NFAT5: variants seen among roughly 807,000 people sequenced by gnomAD.
NFAT5 encodes nuclear factor of activated T cells 5.
A neutral mutation model predicts 166.5 loss-of-function variants in NFAT5; 31 were observed. The observed-to-expected ratio is 0.19, with a 90% confidence interval of 0.14 to 0.25. The LOEUF (loss-of-function observed/expected upper bound fraction) is 0.25. Among genes scored for constraint, NFAT5 ranks in the 10% least tolerant of loss-of-function variants. The pLI is 1.00. For synonymous variants in NFAT5, 612 were observed against 639.7 expected, an observed-to-expected ratio of 0.96 and a Z score of 0.65; for missense variants, 1,449 against 1,821.8, an observed-to-expected ratio of 0.80 and a Z score of 3.72.
chr16:69,654,907 T>C (rs2035817646), intron 5 of NFAT5, among the ~76,000 whole-genome samples: 1 of 152,240 alleles, frequency 6.6e-6, no homozygotes, highest in South Asian at 2.1e-4. Flanking sequence ...CTTCAATGTT[T>C]AACTATAAGC....
chr16:69,663,911 A>G (rs776977224), intron 7 of NFAT5, among the ~76,000 whole-genome samples: 83 of 152,280 alleles, frequency 5.5e-4, no homozygotes, highest in Non-Finnish European at 8.4e-4. Context: ...AAAAATTTTC[A>G]TATCTACCCT....
intron 3 of NFAT5, among the ~76,000 whole-genome samples, chr16:69,639,078 A>G (rs1321525945): frequency 6.6e-6 from 1 of 152,236 alleles, no homozygotes; most frequent in Non-Finnish European, 1.5e-5. Context: ...TCTGGATATT[A>G]GTCTCTTCAT....
chr16:69,643,172 C>G (rs555829270), intron 3 of NFAT5, among the ~76,000 whole-genome samples: 1 of 149,074 alleles, frequency 6.7e-6, no homozygotes, highest in African/African-American at 2.5e-5. Context: ...GAGCCGAGAT[C>G]GCGCCACTGC....
intron 2 of NFAT5, among the ~76,000 whole-genome samples, chr16:69,605,026 T>C (rs773218470): frequency 5.9e-5 from 9 of 152,208 alleles, no homozygotes; most frequent in Admixed American, 1.3e-4. Context: ...TAATAGCATA[T>C]GTGTACATGT....
chr16:69,634,867 A>G, intron 3 of NFAT5, among the ~76,000 whole-genome samples: 1 of 152,198 alleles, frequency 6.6e-6, no homozygotes, highest in East Asian at 1.9e-4. Flanking sequence ...ATTTCTAATA[A>G]TATTACCCTT....
intron 7 of NFAT5, among the ~76,000 whole-genome samples, chr16:69,661,279 AC>A (rs1374402294): frequency 6.6e-6 from 1 of 150,560 alleles, no homozygotes; most frequent in African/African-American, 2.4e-5. Context: ...AGCTGTTTAA[AC>A]CTGCCAAAAA....
In NFAT5 at chr16:69,701,200, T is replaced by C. The variant is rs1355356972; in HGVS notation, c.*4849T>C. The C allele has an allele frequency of 6.6e-6, 1 of 152,360 alleles. No individual in the cohort carries two copies. Among genetic ancestry groups the C allele is most frequent in the East Asian group, 1.9e-4 (1 of 5,184 alleles). 9.4% of individuals were successfully genotyped at this position (152,360 alleles called of 1,614,324 possible). ...CCTAACCTCCAGTGATCCACCTGCCTCGGCGTCCCAAAGTGCTAGGATTAC... is the reference window on the plus strand; with the variant it reads ...CCTAACCTCCAGTGATCCACCTGCCCCGGCGTCCCAAAGTGCTAGGATTAC... On this transcript the variant is annotated 3_prime_UTR_variant, in exon 15 of 15. Coordinates refer to ENST00000349945, the MANE Select transcript of NFAT5 (RefSeq NM_138713.4).
At chr16:69,586,207 C>G (rs1314237260) in intron 2 of NFAT5, among the ~76,000 whole-genome samples, 1 of 152,018 alleles carries the variant, frequency 6.6e-6, no homozygotes, top group Non-Finnish European at 1.5e-5. Flanking sequence ...CTTCTGTTTT[C>G]AGAGAGTGTG....
chr16:69,580,524 TAAA>T (rs201610452), intron 2 of NFAT5, among the ~76,000 whole-genome samples: 4 of 136,588 alleles, frequency 2.9e-5, no homozygotes, highest in African/African-American at 5.4e-5. Flanking sequence ...AGAGCGAAAC[TAAA>T]AAAAAAAAAA....
intron 10 of NFAT5, among the ~76,000 whole-genome samples, chr16:69,678,371 C>T (rs563585536): frequency 4.0e-5 from 6 of 151,796 alleles, no homozygotes; most frequent in Admixed American, 2.6e-4. Context: ...TACACCACCA[C>T]GCCCAGCTAA....
intron 7 of NFAT5, among the ~76,000 whole-genome samples, chr16:69,663,619 C>T (rs558868513): frequency 6.7e-6 from 1 of 148,652 alleles, no homozygotes; most frequent in Non-Finnish European, 1.5e-5. Context: ...CCTGTAATAC[C>T]AGCACTTTGG....
intron 2 of NFAT5, among the ~76,000 whole-genome samples, chr16:69,624,454 G>A (rs1277900589): frequency 5.3e-5 from 8 of 152,028 alleles, no homozygotes; most frequent in Admixed American, 2.6e-4. Context: ...TGATCCTCCC[G>A]CCTCGGCCTC....
At position 69,647,731 on chromosome 16, in the gene NFAT5, T is replaced by A; in HGVS notation, c.812+145T>A. 1 of 709,670 alleles carries A rather than the reference T, an allele frequency of 1.4e-6. No homozygotes were observed. Among genetic ancestry groups the A allele is most frequent in the Non-Finnish European group, 2.2e-6 (1 of 451,934 alleles). 44.0% of individuals were successfully genotyped at this position (709,670 alleles called of 1,614,324 possible). A position where few individuals can be genotyped will look rare whatever the true frequency, so the allele number is the denominator to read the frequency against. On this transcript the variant is annotated intron_variant, in intron 4 of 14. Transcript: ENST00000349945. The surrounding 1 kb of genome is among the most constrained non-coding windows in gnomAD (Gnocchi z 4.8). ...TTATCATTGAAATACATGAAAATTT[T>A]AACTTAAAATTACCAACTTTTACTA...
intron 2 of NFAT5, among the ~76,000 whole-genome samples, chr16:69,603,271 G>A (rs2033233569): frequency 6.6e-6 from 1 of 151,702 alleles, no homozygotes; most frequent in Admixed American, 6.6e-5. Flanking sequence ...CATCCTTTTT[G>A]TCTATCACTT....
intron 2 of NFAT5, among the ~76,000 whole-genome samples, chr16:69,621,351 G>T (rs1295720712): frequency 6.6e-6 from 1 of 151,794 alleles, no homozygotes; most frequent in Non-Finnish European, 1.5e-5. Context: ...TAAATACAGA[G>T]TTGTGTAACC....
Position 69,691,979 on chromosome 16 carries a change from C to T in NFAT5, c.2154C>T (p.Asn718=). The change falls in exon 13 of 15, where the codon AAC becomes AAT. Residue 718 remains asparagine, a synonymous_variant. Transcript: ENST00000349945. ...TTTCTGCTTCTAGTCAGCTGCCCAA[C>T]AGCGATGCACTATTGCAGCAGGCTA... ...PAVSASSQLP[N]SDALLQQATQ... The T allele has an allele frequency of 6.2e-7, 1 of 1,614,182 alleles. No homozygotes were observed. Among genetic ancestry groups the T allele is most frequent in the Admixed American group, 1.7e-5 (1 of 60,020 alleles).
intron 2 of NFAT5, among the ~76,000 whole-genome samples, chr16:69,608,793 G>T (rs998687746): frequency 6.7e-5 from 10 of 149,910 alleles, no homozygotes; most frequent in African/African-American, 2.4e-4. Context: ...TTTTTGTTAT[G>T]TAAATATAAT....
chr16:69,693,527 C>T lies in NFAT5; in HGVS notation c.3702C>T (p.Gly1234=). 1.9e-6 allele frequency: 3 copies of T among 1,614,174 alleles called. No individual in the cohort carries two copies. Among genetic ancestry groups the T allele is most frequent in the Non-Finnish European group, 2.5e-6 (3 of 1,180,032 alleles). The part of the protein sequence containing the change: ...QGLFQPQVAL[G]SLPPNPMPQS... The stretch of plus-strand genomic sequence containing the variant: ...TATTTCAGCCTCAGGTGGCCCTGGG[C>T]TCCCTTCCACCTAATCCAATGCCTC... The change falls in exon 13 of 15, where the codon GGC becomes GGT. Residue 1234 remains glycine (G), a synonymous_variant. Transcript: ENST00000349945.
intron 2 of NFAT5, among the ~76,000 whole-genome samples, chr16:69,622,761 A>G (rs1183077688): frequency 1.3e-5 from 2 of 152,084 alleles, no homozygotes; most frequent in African/African-American, 2.4e-5. Flanking sequence ...CACATAAATC[A>G]TAAATGCATT....
Sources: allele counts gnomAD v4.1 joint callset (sites outside exome capture counted in the v4.1 genomes callset), GRCh38; gene constraint gnomAD v4.1.1; non-coding constraint Gnocchi (gnomAD v3.1); transcripts MANE v1.5; gene names NCBI Gene and HGNC (gene_info 2026-07-23, HGNC 2026-07-21).